The following TNIK variants were observed in gnomAD, a reference collection of about 807,000 sequenced individuals.
The protein encoded by TNIK is TRAF2 and NCK-interacting protein kinase.
Under a neutral mutation model 191.3 loss-of-function variants are expected in TNIK, and 49 were observed. That is an observed-to-expected ratio of 0.26 (90% CI 0.20 to 0.32). The LOEUF (loss-of-function observed/expected upper bound fraction) is 0.32. Among genes scored for constraint, TNIK ranks in the 10% least tolerant of loss-of-function variants. The probability of loss-of-function intolerance (pLI) is 1.00; values close to 1 mark genes in which losing one functional copy is unlikely to be tolerated. For missense variants in TNIK, 1,155 were observed against 1,702.3 expected (o/e 0.68, Z 5.66); for synonymous variants, 594 against 600.9 (o/e 0.99, Z 0.17).
intron 12 of TNIK, among the ~76,000 whole-genome samples, chr3:171,156,097 G>C (rs1733139140): frequency 6.6e-6 from 1 of 152,196 alleles, no homozygotes; most frequent in South Asian, 2.1e-4. Context: ...TGGGGATTAT[G>C]AGTTTTGCAT....
intron 16 of TNIK, among the ~76,000 whole-genome samples, chr3:171,127,448 A>C (rs886790729): frequency 2.1e-4 from 32 of 152,196 alleles, no homozygotes; most frequent in Non-Finnish European, 2.4e-4. Context: ...AATAAAAAAA[A>C]CCACACCACA....
Position 171,288,605 on chromosome 3 carries a change from A to G in TNIK, c.124-60384T>C, listed in dbSNP as rs186708471. ...GGGCAGATCACAAGGTCAGGAGATC[A>G]AGACCATCCTGGCTAACATGGTAAA... On this transcript the variant is annotated intron_variant, in intron 2 of 32. Coordinates refer to ENST00000436636, the MANE Select transcript of TNIK (RefSeq NM_015028.4). Among the ~76,000 whole-genome samples the G allele has an allele frequency of 1.0e-3, 156 of 152,088 alleles. 2 individuals are homozygous for G. Among genetic ancestry groups the G allele is most frequent in the East Asian group, 1.9e-3 (10 of 5,148 alleles).
At chr3:171,100,984 T>G (rs909515365) in intron 22 of TNIK, among the ~76,000 whole-genome samples, 1 of 152,124 alleles carries the variant, frequency 6.6e-6, no homozygotes, top group African/African-American at 2.4e-5. Flanking sequence ...ATTCTTTTGC[T>G]GGGATGGTAA....
chr3:171,097,910 A>G (rs1031724204), intron 22 of TNIK, among the ~76,000 whole-genome samples: 17 of 152,224 alleles, frequency 1.1e-4, no homozygotes, highest in African/African-American at 3.4e-4. Flanking sequence ...CCCAAGGTCA[A>G]AACTGGAAAA....
At chr3:171,347,059 A>T (rs1441618684) in intron 2 of TNIK, 21 of 1,378,668 alleles carry the variant, frequency 1.5e-5, no homozygotes, top group Non-Finnish European at 2.0e-5. Context: ...CTGTGCTAGG[A>T]CAGTGGTGGC....
intron 9 of TNIK, 103 bp from the exon 10 acceptor site, chr3:171,167,373 A>G (rs1734741978): frequency 7.9e-6 from 11 of 1,388,816 alleles, no homozygotes; most frequent in Admixed American, 2.3e-5. Context: ...TTAAGGTCCA[A>G]TTGGCTGGCA....
At chr3:171,122,632 C>G (rs557111327) in intron 18 of TNIK, among the ~76,000 whole-genome samples, 24 of 152,306 alleles carry the variant, frequency 1.6e-4, no homozygotes, top group African/African-American at 5.5e-4. Context: ...TGATTTAAAG[C>G]ATTCCATATT....
intron 12 of TNIK, among the ~76,000 whole-genome samples, chr3:171,147,610 A>T (rs1004506597): frequency 2.0e-5 from 3 of 152,342 alleles, no homozygotes; most frequent in Middle Eastern, 6.8e-3. Flanking sequence ...ACAATGAAAT[A>T]AAAACAAAAA....
At chr3:171,301,246 G>A (rs984085555) in intron 2 of TNIK, among the ~76,000 whole-genome samples, 1 of 151,066 alleles carries the variant, frequency 6.6e-6, no homozygotes, top group Admixed American at 6.6e-5. Flanking sequence ...ATCTAACTGT[G>A]TTCTAACTGT....
chr3:171,347,897 AAG>A (rs753006680), intron 2 of TNIK, among the ~76,000 whole-genome samples: 1 of 152,188 alleles, frequency 6.6e-6, no homozygotes, highest in African/African-American at 2.4e-5. Context: ...AGAAATAGCT[AAG>A]AGAGTGTAAA....
intron 4 of TNIK, among the ~76,000 whole-genome samples, chr3:171,201,091 TA>T (rs1474696012): frequency 6.6e-6 from 1 of 152,098 alleles, no homozygotes; most frequent in African/African-American, 2.4e-5. Context: ...CCAAGCAGTT[TA>T]AAAGGCACCC....
At chr3:171,170,805 C>G (rs1735179323) in intron 9 of TNIK, among the ~76,000 whole-genome samples, 1 of 152,174 alleles carries the variant, frequency 6.6e-6, no homozygotes, top group Non-Finnish European at 1.5e-5. Flanking sequence ...AATCCCAGTG[C>G]TTTGGGAGGC....
chr3:171,188,653 C>T lies in TNIK; in HGVS notation c.639+49G>A, dbSNP rs1293316850. ...AGGGCATGTAAGACTTTATAAGACT[C>T]AGGATAAGATGGTAGGCATAGTTTT... On this transcript the variant is annotated intron_variant, in intron 7 of 32. Coordinates refer to ENST00000436636, the MANE Select transcript of TNIK (RefSeq NM_015028.4). The T allele has an allele frequency of 3.7e-6, 6 of 1,601,414 alleles. No homozygotes were observed. The African/African-American group carries it at 6.7e-5, about 18-fold the overall frequency.
chr3:171,415,998 G>GA lies in TNIK; in HGVS notation c.57+44008dup, dbSNP rs58082222. Among the ~76,000 whole-genome samples the GA allele has an allele frequency of 3.6e-4, 31 of 86,692 alleles. No homozygotes were observed. In the East Asian group the frequency reaches 4.8e-3, roughly 13 times the overall value. The allele number at this position is 86,692 out of a possible 152,430, so 56.9% of individuals were successfully genotyped here. ...CAAAAAAAAAAAAAAAAAAAAAAAA[G>GA]AAAGAAAAAGAAAGAAAGGAAGAAA... On this transcript the variant is annotated intron_variant, in intron 1 of 32. Transcript: ENST00000436636.
chr3:171,425,340 CT>C (rs1430164171), intron 1 of TNIK, among the ~76,000 whole-genome samples: 6 of 152,138 alleles, frequency 3.9e-5, no homozygotes, highest in East Asian at 1.9e-4. Flanking sequence ...TTTAACACCC[CT>C]ATGGCTAAAT....
At chr3:171,158,092 T>A (rs548018888) in intron 11 of TNIK, among the ~76,000 whole-genome samples, 35 of 152,300 alleles carry the variant, frequency 2.3e-4, no homozygotes, top group African/African-American at 7.9e-4. Context: ...CAGATCGGCC[T>A]CACCCACACC....
chr3:171,446,081 C>A (rs1727454195), intron 1 of TNIK, among the ~76,000 whole-genome samples: 1 of 152,178 alleles, frequency 6.6e-6, no homozygotes, highest in African/African-American at 2.4e-5. Context: ...AACAGTCCAA[C>A]AGAATCTGAA....
intron 1 of TNIK, among the ~76,000 whole-genome samples, chr3:171,411,792 A>G (rs1722464206): frequency 6.6e-6 from 1 of 152,214 alleles, no homozygotes; most frequent in Non-Finnish European, 1.5e-5. Flanking sequence ...TAGCTCCCGG[A>G]AAGCCCCACT....
intron 2 of TNIK, among the ~76,000 whole-genome samples, chr3:171,245,686 C>T (rs1302630318): frequency 6.6e-6 from 1 of 151,990 alleles, no homozygotes; most frequent in Non-Finnish European, 1.5e-5. Flanking sequence ...TTACAGTTTA[C>T]ATATTTCTTT....
Sources: gnomAD v4.1 joint callset for allele counts (sites outside exome capture counted in the v4.1 genomes callset) on GRCh38, gnomAD v4.1.1 for gene constraint, MANE v1.5 for transcripts, NCBI Gene and HGNC (gene_info 2026-07-23, HGNC 2026-07-21) for gene names.